PABPC1: variants seen among roughly 807,000 people sequenced by gnomAD.
PABPC1 encodes the protein poly(A) binding protein cytoplasmic 1.
A neutral mutation model predicts 74.0 loss-of-function variants in PABPC1; 4 were observed. The observed-to-expected ratio is 0.05, with a 90% confidence interval of 0.03 to 0.12. The LOEUF (loss-of-function observed/expected upper bound fraction) is 0.12, where lower values mean the gene tolerates loss of function less well. PABPC1 is among the 10% of genes least tolerant of loss of function. The probability of loss-of-function intolerance (pLI) is 1.00; values close to 1 mark genes in which losing one functional copy is unlikely to be tolerated. For synonymous variants in PABPC1, 227 were observed against 264.1 expected, an observed-to-expected ratio of 0.86 and a Z score of 1.36; for missense variants, 271 against 821.1, an observed-to-expected ratio of 0.33 and a Z score of 8.19.
rs142197357 is a variant in PABPC1 at position 100,719,015 on chromosome 8, T to C, written c.194-735A>G. 1.7e-3 allele frequency among the ~76,000 whole-genome samples: 259 copies of C among 152,330 alleles called. 3 individuals carry two copies. In the Middle Eastern group the frequency reaches 0.017, roughly 10 times the overall value. ...ACGCTCTCTTGACACATACAATCAATTTCACTTTAGATCGCTGATTTTCTT... is the reference window on the plus strand; with the variant it reads ...ACGCTCTCTTGACACATACAATCAACTTCACTTTAGATCGCTGATTTTCTT... On this transcript the variant is annotated intron_variant, in intron 1 of 14. Transcript: ENST00000318607.
Position 100,712,406 on chromosome 8 carries a change from G to A in PABPC1, c.928C>T (p.Leu310Phe). Residue 310 changes from leucine (L) to phenylalanine (F), a missense_variant, in exon 7 of 15, where the codon CTC (leucine) becomes TTC (phenylalanine). Physicochemically the swap from Leu to Phe is conservative, Grantham distance 22 (BLOSUM62 0). Transcript: ENST00000318607. ...NLDDGIDDER[L>F]RKEFSPFGTI... is the part of the protein sequence containing the mutation. Reference sequence around the variant, plus strand: ...CCAAATGGAGAAAACTCTTTCCGGAGACGTTCATCATCAATACCATCATCA... The same window carrying A: ...CCAAATGGAGAAAACTCTTTCCGGAAACGTTCATCATCAATACCATCATCA... 6.2e-7 allele frequency: 1 copy of A among 1,609,536 alleles called. No homozygotes were observed. The highest frequency in any genetic ancestry group is 8.5e-7 in the Non-Finnish European group (1 of 1,177,106).
intron 4 of PABPC1, among the ~76,000 whole-genome samples, chr8:100,713,452 T>C (rs1240926152): frequency 6.6e-6 from 1 of 152,222 alleles, no homozygotes; most frequent in Non-Finnish European, 1.5e-5. Context: ...TTCTCAGCTC[T>C]AGCACAAAAG....
chr8:100,719,029 G>A (rs1810744561), intron 1 of PABPC1, among the ~76,000 whole-genome samples: 2 of 152,114 alleles, frequency 1.3e-5, no homozygotes, highest in African/African-American at 4.8e-5. Context: ...ACTTTAGATC[G>A]CTGATTTTCT....
chr8:100,717,967 GC>G (rs1810717555), intron 2 of PABPC1, 79 bp from the exon 3 acceptor site: 6 of 1,342,106 alleles, frequency 4.5e-6, no homozygotes, highest in Non-Finnish European at 6.4e-6. Flanking sequence ...CAATCTGTTA[GC>G]CATCTAACCT....
At chr8:100,715,024 GTTAC>G (rs1810629075) in intron 4 of PABPC1, among the ~76,000 whole-genome samples, 1 of 151,816 alleles carries the variant, frequency 6.6e-6, no homozygotes, top group African/African-American at 2.4e-5. Context: ...CAAACATGAT[GTTAC>G]TTAGACTGAC....
chr8:100,706,338 C>T (rs1810378185), intron 11 of PABPC1, among the ~76,000 whole-genome samples: 1 of 152,268 alleles, frequency 6.6e-6, no homozygotes, highest in South Asian at 2.1e-4. Flanking sequence ...GAGACAGAGT[C>T]TTGCTGTCAC....
intron 3 of PABPC1, among the ~76,000 whole-genome samples, chr8:100,717,462 T>G (rs531402825): frequency 7.9e-5 from 12 of 152,358 alleles, no homozygotes; most frequent in African/African-American, 2.4e-4. Context: ...GCACTCATTT[T>G]GAAAAAGCTA....
In PABPC1 at chr8:100,717,899, A is replaced by G. The variant is rs370358394; in HGVS notation, c.388-11T>C. 1 of 1,563,776 alleles carries G rather than the reference A, an allele frequency of 6.4e-7. No individual in the cohort carries two copies. Among genetic ancestry groups the G allele is most frequent in the African/African-American group, 1.4e-5 (1 of 73,900 alleles). On this transcript the variant is annotated splice_polypyrimidine_tract_variant and intron_variant, in intron 2 of 14. Coordinates refer to ENST00000318607, the MANE Select transcript of PABPC1 (RefSeq NM_002568.4). ...TTCATCACAAACCACCTAGGGAAAAACATATACCCATTTTTCTTTATTTGC... is the reference window on the plus strand; with the variant it reads ...TTCATCACAAACCACCTAGGGAAAAGCATATACCCATTTTTCTTTATTTGC...
Position 100,721,571 on chromosome 8 carries a change from C to A in PABPC1, c.13G>T (p.Ala5Ser). The change falls in exon 1 of 15, where the codon GCC (alanine) becomes TCC (serine). Residue 5 changes from alanine (A) to serine (S), a missense_variant. Transcript: ENST00000318607. The surrounding 1 kb of genome is among the most constrained non-coding windows in gnomAD (Gnocchi z 7.4). Reference protein sequence around the residue: MNPSAPSYPMASLYV... With the variant: MNPSSPSYPMASLYV... The stretch of plus-strand genomic sequence containing the variant: ...AGCGAGGCCATGGGGTAGCTGGGGG[C>A]ACTGGGGTTCATCTCGGCACGGCTG... 1 of 1,589,002 alleles carries A rather than the reference C, an allele frequency of 6.3e-7. No homozygotes were observed. Among genetic ancestry groups the A allele is most frequent in the South Asian group, 1.1e-5 (1 of 89,050 alleles).
chr8:100,709,005 T>C (rs1587150611), intron 9 of PABPC1, 128 bp downstream of exon 9: 1 of 764,498 alleles, frequency 1.3e-6, no homozygotes, highest in Non-Finnish European at 2.2e-6. Context: ...GCTATAAAAA[T>C]GAACATCCAT....
intron 7 of PABPC1, 150 bp downstream of exon 7, chr8:100,712,212 A>G (rs1324067993): frequency 9.1e-6 from 5 of 550,066 alleles, no homozygotes; most frequent in African/African-American, 5.8e-5. Context: ...CCATTAGGCT[A>G]TGACAACCAG....
intron 4 of PABPC1, 44 bp from the exon 5 acceptor site, chr8:100,713,225 T>C (rs1810576198): frequency 8.6e-7 from 1 of 1,167,378 alleles, no homozygotes; most frequent in African/African-American, 1.6e-5. Flanking sequence ...CCATACAACA[T>C]TCACGTTATA....
intron 7 of PABPC1, 102 bp from the exon 8 acceptor site, chr8:100,709,833 A>G: frequency 8.1e-7 from 1 of 1,228,672 alleles, no homozygotes; most frequent in Non-Finnish European, 1.1e-6. Context: ...TCAAATAACT[A>G]AACCCTGTTA....
intron 3 of PABPC1, among the ~76,000 whole-genome samples, chr8:100,716,753 G>A (rs1186050196): frequency 6.6e-6 from 1 of 152,176 alleles, no homozygotes; most frequent in Non-Finnish European, 1.5e-5. Flanking sequence ...CTGTTCACAG[G>A]CACAATCACA....
At chr8:100,720,868 T>TC (rs1810804553) in intron 1 of PABPC1, among the ~76,000 whole-genome samples, 1 of 152,046 alleles carries the variant, frequency 6.6e-6, no homozygotes, top group Admixed American at 6.5e-5. Context: ...GCCTGGTGGC[T>TC]CCCCCAGGCG....
At chr8:100,713,975 A>G (rs540998477) in intron 4 of PABPC1, among the ~76,000 whole-genome samples, 4 of 152,340 alleles carry the variant, frequency 2.6e-5, no homozygotes, top group African/African-American at 9.6e-5. Context: ...AAGAGGAAGC[A>G]TTTATTTCTG....
intron 7 of PABPC1, among the ~76,000 whole-genome samples, chr8:100,711,530 A>G (rs1317053996): frequency 2.0e-5 from 3 of 152,234 alleles, no homozygotes; most frequent in African/African-American, 4.8e-5. Context: ...GCTGATGCAC[A>G]ACACTCAATT....
At chr8:100,708,506 C>G (rs1264873914) in intron 9 of PABPC1, among the ~76,000 whole-genome samples, 1 of 151,724 alleles carries the variant, frequency 6.6e-6, no homozygotes, top group East Asian at 2.0e-4. Context: ...TTCCACAGGA[C>G]AAGACATAAA....
chr8:100,717,638 A>T, intron 3 of PABPC1, 135 bp downstream of exon 3: 1 of 609,984 alleles, frequency 1.6e-6, no homozygotes, highest in Non-Finnish European at 2.9e-6. Flanking sequence ...TTTGTTATTC[A>T]TCTTTAAAAT....
Sources: gnomAD v4.1 joint callset for allele counts (sites outside exome capture counted in the v4.1 genomes callset) on GRCh38, gnomAD v4.1.1 for gene constraint, Gnocchi (gnomAD v3.1) non-coding constraint, MANE v1.5 for transcripts, NCBI Gene and HGNC (gene_info 2026-07-23, HGNC 2026-07-21) for gene names.